SCML4: variants seen among roughly 807,000 people sequenced by gnomAD.
SCML4 encodes the protein Scm polycomb group protein like 4, also known as sex comb on midleg-like protein 4.
In SCML4, 34 loss-of-function variants were observed where a neutral mutation model predicts 41.1. The ratio of observed to expected loss-of-function variants is 0.83; its 90% CI spans 0.63 to 1.10. The LOEUF (loss-of-function observed/expected upper bound fraction) is 1.10. SCML4 is among the 50% of genes least tolerant of loss of function. The probability of loss-of-function intolerance (pLI) is 0.00; values close to 1 mark genes in which losing one functional copy is unlikely to be tolerated. For missense variants in SCML4, 522 were observed against 534.1 expected, an observed-to-expected ratio of 0.98 and a Z score of 0.22; for synonymous variants, 214 against 220.9, an observed-to-expected ratio of 0.97 and a Z score of 0.28.
At chr6:107,801,732 G>C (rs970374917) in intron 1 of SCML4, among the ~76,000 whole-genome samples, 2 of 152,110 alleles carry the variant, frequency 1.3e-5, no homozygotes, top group Non-Finnish European at 2.9e-5. Flanking sequence ...AGCACATGGA[G>C]GGTGGAGACA....
At chr6:107,734,545 A>G (rs1239537515) in intron 5 of SCML4, among the ~76,000 whole-genome samples, 2 of 152,228 alleles carry the variant, frequency 1.3e-5, no homozygotes, top group Non-Finnish European at 2.9e-5. Context: ...TCCATTTTAA[A>G]TTCTACGAAA....
chr6:107,843,433 C>G, the SCML4 span, among the ~76,000 whole-genome samples: 1 of 152,114 alleles, frequency 6.6e-6, no homozygotes. Context: ...TTGGCTTCAC[C>G]AAACTTAGAG....
Position 107,745,333 on chromosome 6 carries a change from T to C in SCML4, c.488-190A>G, listed in dbSNP as rs372382644. 45 of 547,240 alleles carry C rather than the reference T, an allele frequency of 8.2e-5. 1 individual carries two copies. The highest frequency in any genetic ancestry group is 5.7e-4 in the South Asian group (23 of 40,256). The allele number at this position is 547,240 out of a possible 1,614,324, so 33.9% of individuals were successfully genotyped here. A position where few individuals can be genotyped will look rare whatever the true frequency, so the allele number is the denominator to read the frequency against. On this transcript the variant is annotated intron_variant, in intron 4 of 7. Coordinates refer to ENST00000369020, the MANE Select transcript of SCML4 (RefSeq NM_198081.5). ...CCCACCCAGGACACCACATTACATTTAGTTGTCACGTCTCCTTCGTCTCCT... is the reference window on the plus strand; with the variant it reads ...CCCACCCAGGACACCACATTACATTCAGTTGTCACGTCTCCTTCGTCTCCT...
At chr6:107,835,131 C>T in the SCML4 span, among the ~76,000 whole-genome samples, 2 of 151,898 alleles carry the variant, frequency 1.3e-5, no homozygotes, top group African/African-American at 2.4e-5. Context: ...GAGGCCGAGG[C>T]GGGTGGATTA....
chr6:107,812,874 G>GACAC (rs1554225229), intron 1 of SCML4, among the ~76,000 whole-genome samples: 18 of 62,154 alleles, frequency 2.9e-4, no homozygotes, highest in African/African-American at 7.5e-4. Flanking sequence ...TTTACACACA[G>GACAC]ACACATACAC....
At chr6:107,712,408 T>A (rs1255646881) in intron 6 of SCML4, among the ~76,000 whole-genome samples, 1 of 151,832 alleles carries the variant, frequency 6.6e-6, no homozygotes, top group East Asian at 1.9e-4. Flanking sequence ...TCAACTACAG[T>A]GTTGAAGGGC....
In SCML4 at chr6:107,707,838, C is replaced by G. The variant is rs538755361; in HGVS notation, c.1119+28G>C. ...TTCTGTGCCTGCTCCCTCAATCCCCCCCAAGGTCAAACCCACCACTCGCAT... is the reference window on the plus strand; with the variant it reads ...TTCTGTGCCTGCTCCCTCAATCCCCGCCAAGGTCAAACCCACCACTCGCAT... On this transcript the variant is annotated intron_variant, in intron 7 of 7. Coordinates refer to ENST00000369020, the MANE Select transcript of SCML4 (RefSeq NM_198081.5). 174 of 1,551,626 alleles carry G rather than the reference C, an allele frequency of 1.1e-4. 2 individuals are homozygous for G. The highest frequency in any genetic ancestry group is 8.4e-4 in the Admixed American group (43 of 50,996).
intron 1 of SCML4, among the ~76,000 whole-genome samples, chr6:107,777,448 A>G (rs946246444): frequency 2.0e-5 from 3 of 152,154 alleles, no homozygotes; most frequent in Non-Finnish European, 2.9e-5. Flanking sequence ...CAGAATTAGA[A>G]AAATAGGATA....
rs146743847 is a variant in SCML4, at chr6:107,707,090, C to T, written c.1119+776G>A. On this transcript the variant is annotated intron_variant, in intron 7 of 7. Coordinates refer to ENST00000369020, the MANE Select transcript of SCML4 (RefSeq NM_198081.5). The stretch of plus-strand genomic sequence containing the variant: ...GTGGCTCACACCTGTCATCCCAGCA[C>T]TTTGGGATGAGACCAGCCTGGCCAA... Among the ~76,000 whole-genome samples, 774 of 152,288 alleles carry T rather than the reference C, an allele frequency of 5.1e-3. 5 individuals are homozygous for T. Among genetic ancestry groups the T allele is most frequent in the African/African-American group, 0.018 (747 of 41,536 alleles).
At position 107,763,215 on chromosome 6, in the gene SCML4, C is replaced by G. The variant is rs202143382; in HGVS notation, c.156+8957G>C. Among the ~76,000 whole-genome samples the G allele has an allele frequency of 1.5e-4, 23 of 152,066 alleles. No individual in the cohort carries two copies. In the East Asian group the frequency reaches 4.1e-3, roughly 27 times the overall value. ...TGTTTTTTTAATTATGTTCTCCTTC[C>G]TTTTCTTCCTTTCTGTTATGGACTG... On this transcript the variant is annotated intron_variant, in intron 2 of 7. Coordinates refer to ENST00000369020, the MANE Select transcript of SCML4 (RefSeq NM_198081.5).
intron 1 of SCML4, among the ~76,000 whole-genome samples, chr6:107,803,352 G>C (rs978944188): frequency 2.6e-5 from 4 of 151,768 alleles, no homozygotes; most frequent in Non-Finnish European, 4.4e-5. Context: ...GTCTCCGCCC[G>C]GCAGCCACCC....
chr6:107,764,636 T>G (rs1175544239), intron 2 of SCML4, among the ~76,000 whole-genome samples: 1 of 152,116 alleles, frequency 6.6e-6, no homozygotes, highest in African/African-American at 2.4e-5. Context: ...ATGAAGCCAG[T>G]ATTCCATGGG....
chr6:107,766,399 G>T (rs990988709), intron 2 of SCML4, among the ~76,000 whole-genome samples: 1 of 149,826 alleles, frequency 6.7e-6, no homozygotes, highest in Non-Finnish European at 1.5e-5. Flanking sequence ...GTTCAAGGCT[G>T]CAGTGAGCTA....
chr6:107,736,130 T>A (rs1336240600), intron 5 of SCML4, among the ~76,000 whole-genome samples: 1 of 152,184 alleles, frequency 6.6e-6, no homozygotes, highest in Non-Finnish European at 1.5e-5. Context: ...CCAGCCCCGA[T>A]GTAGCCAGAA....
intron 1 of SCML4, among the ~76,000 whole-genome samples, chr6:107,780,211 C>T (rs574376109): frequency 2.6e-5 from 4 of 152,058 alleles, no homozygotes; most frequent in Non-Finnish European, 5.9e-5. Context: ...TAATAGAATG[C>T]CTTTGATAGA....
chr6:107,778,635 T>A (rs1254108124), intron 1 of SCML4, among the ~76,000 whole-genome samples: 3 of 152,160 alleles, frequency 2.0e-5, no homozygotes, highest in Admixed American at 1.3e-4. Flanking sequence ...ACATTTTACA[T>A]GTTAGCTTTG....
At chr6:107,801,882 A>C (rs1783161844) in intron 1 of SCML4, among the ~76,000 whole-genome samples, 1 of 151,352 alleles carries the variant, frequency 6.6e-6, no homozygotes, top group Non-Finnish European at 1.5e-5. Context: ...CTCCCGCCTC[A>C]GCCTCCCGAG....
chr6:107,744,700 TA>T (rs1200183953), intron 5 of SCML4, among the ~76,000 whole-genome samples: 1 of 152,198 alleles, frequency 6.6e-6, no homozygotes, highest in Non-Finnish European at 1.5e-5. Flanking sequence ...AATATAGACC[TA>T]AAAGTTATAA....
the SCML4 span, among the ~76,000 whole-genome samples, chr6:107,838,925 C>G: frequency 1.3e-5 from 2 of 150,864 alleles, no homozygotes; most frequent in Admixed American, 1.3e-4. Flanking sequence ...GCCCTCTTAA[C>G]TCTTCCAAAG....
Sources: gnomAD v4.1 joint callset for allele counts (sites outside exome capture counted in the v4.1 genomes callset) on GRCh38, gnomAD v4.1.1 for gene constraint, MANE v1.5 for transcripts, NCBI Gene and HGNC (gene_info 2026-07-23, HGNC 2026-07-21) for gene names.